The following DNAH12 variants were observed in gnomAD, a reference collection of about 807,000 sequenced individuals.
DNAH12 encodes axonemal beta dynein heavy chain 12.
Under a neutral mutation model 371.5 loss-of-function variants are expected in DNAH12, and 285 were observed. That is an observed-to-expected ratio of 0.77 (90% CI 0.70 to 0.85). DNAH12 has a LOEUF of 0.85. DNAH12 is among the 40% of genes least tolerant of loss of function. DNAH12 has a pLI of 0.00. For synonymous variants in DNAH12, 1,200 were observed against 1,213.0 expected, an observed-to-expected ratio of 0.99 and a Z score of 0.22; for missense variants, 3,611 against 3,689.4, an observed-to-expected ratio of 0.98 and a Z score of 0.55.
At chr3:57,550,948 G>C in the DNAH12 span, among the ~76,000 whole-genome samples, 167 of 148,634 alleles carry the variant, frequency 1.1e-3, no homozygotes, top group African/African-American at 4.0e-3. Context: ...GCGCAATCTC[G>C]GCTCACTGCA....
At chr3:57,500,192 C>A (rs988451649) in intron 11 of DNAH12, among the ~76,000 whole-genome samples, 3 of 152,092 alleles carry the variant, frequency 2.0e-5, no homozygotes, top group African/African-American at 7.2e-5. Flanking sequence ...AGGCATGGAC[C>A]ACCATGCTTG....
chr3:57,429,667 C>T, intron 33 of DNAH12, 24 bp downstream of exon 33: 4 of 1,510,608 alleles, frequency 2.6e-6, no homozygotes, highest in Non-Finnish European at 3.5e-6. Flanking sequence ...AACAAACCAC[C>T]ATTGTATTAA....
chr3:57,519,684 T>G, intron 4 of DNAH12: 1 of 1,606,338 alleles, frequency 6.2e-7, no homozygotes. Context: ...TGCCGATTCT[T>G]TGGGCCACCC....
intron 29 of DNAH12, among the ~76,000 whole-genome samples, chr3:57,438,486 G>A (rs932601443): frequency 1.3e-5 from 2 of 152,022 alleles, no homozygotes; most frequent in Non-Finnish European, 2.9e-5. Flanking sequence ...AAAAGAAGAA[G>A]TCAAACTGTC....
intron 4 of DNAH12, among the ~76,000 whole-genome samples, chr3:57,521,058 T>C (rs1200341160): frequency 1.2e-5 from 1 of 80,700 alleles, no homozygotes; most frequent in African/African-American, 5.2e-5. Flanking sequence ...AGTGAGACTC[T>C]GTCTCAAAAA....
At chr3:57,337,584 G>GGGAGGT (rs1321790556) in intron 60 of DNAH12, among the ~76,000 whole-genome samples, 1 of 152,166 alleles carries the variant, frequency 6.6e-6, no homozygotes, top group African/African-American at 2.4e-5. Context: ...ACTTGAACCT[G>GGGAGGT]GGAGGTGGAG....
Position 57,301,708 on chromosome 3 carries a change from ACACACACACAC to A in DNAH12, c.11394+16_11394+26del, listed in dbSNP as rs1469344552. ...CACACACACACACACACACACACAC[ACACACACACAC>A]ACACACACATTTTACCTGTAAAAAG... On this transcript the variant is annotated intron_variant, in intron 70 of 73. Transcript: ENST00000495027. 2 of 1,529,554 alleles carry A rather than the reference ACACACACACAC, an allele frequency of 1.3e-6. No homozygotes were observed. Among genetic ancestry groups the A allele is most frequent in the Non-Finnish European group, 1.8e-6 (2 of 1,128,024 alleles). The allele number at this position is 1,529,554 out of a possible 1,614,324, so 94.7% of individuals were successfully genotyped here.
chr3:57,300,385 G>A (rs999489821), intron 70 of DNAH12, among the ~76,000 whole-genome samples: 5 of 151,978 alleles, frequency 3.3e-5, no homozygotes, highest in Non-Finnish European at 5.9e-5. Context: ...CTTCTATAAG[G>A]GTAAGAGAAC....
chr3:57,301,858 C>G lies in DNAH12; in HGVS notation c.11271G>C (p.Glu3757Asp). 1 of 1,551,624 alleles carries G rather than the reference C, an allele frequency of 6.4e-7. No individual in the cohort carries two copies. The highest frequency in any genetic ancestry group is 8.7e-7 in the Non-Finnish European group (1 of 1,146,992). ...KGVVVMDSAL[E>D]ALSGSLLVGK... ...CAACAAGTAAGCTACCGGAGAGTGCCTCCAATGCAGAATCCATCACAACCA... is the reference window on the plus strand; with the variant it reads ...CAACAAGTAAGCTACCGGAGAGTGCGTCCAATGCAGAATCCATCACAACCA... The change falls in exon 70 of 74, where the codon GAG (glutamate) becomes GAC (aspartate). Residue 3757 changes from glutamate to aspartate, a missense_variant. By Grantham distance (45) the Glu-to-Asp change is conservative (BLOSUM62 2). Transcript: ENST00000495027.
chr3:57,487,582 A>G (rs903740158), intron 12 of DNAH12, among the ~76,000 whole-genome samples: 1 of 152,154 alleles, frequency 6.6e-6, no homozygotes, highest in African/African-American at 2.4e-5. Context: ...TGGCCCAAGC[A>G]GATGCTAAAC....
intron 70 of DNAH12, among the ~76,000 whole-genome samples, chr3:57,297,642 C>T (rs1444166154): frequency 6.6e-6 from 1 of 152,108 alleles, no homozygotes; most frequent in Non-Finnish European, 1.5e-5. Context: ...AGGTGTGAGC[C>T]ACCGCGCCCG....
chr3:57,522,231 A>AT (rs1490008140), intron 4 of DNAH12, among the ~76,000 whole-genome samples: 8 of 152,084 alleles, frequency 5.3e-5, no homozygotes, highest in African/African-American at 1.4e-4. Context: ...TTCAAAAAAA[A>AT]AAAATAAATA....
At chr3:57,417,756 T>C (rs2064425217) in intron 37 of DNAH12, among the ~76,000 whole-genome samples, 1 of 152,174 alleles carries the variant, frequency 6.6e-6, no homozygotes, top group Non-Finnish European at 1.5e-5. Flanking sequence ...TCAGATCCAC[T>C]GACAGATCTT....
chr3:57,515,427 C>T lies in DNAH12; in HGVS notation c.280-4448G>A, dbSNP rs779978528. On this transcript the variant is annotated intron_variant, in intron 4 of 73. Transcript: ENST00000495027. ...GTCAACTTTAAGGGCTCCCACTGGC[C>T]AAATGTGGAACAACTGAACTTCAAA... Among the ~76,000 whole-genome samples, 3 of 144,516 alleles carry T rather than the reference C, an allele frequency of 2.1e-5. No individual in the cohort carries two copies. In the East Asian group the frequency reaches 6.0e-4, roughly 29 times the overall value. The allele number at this position is 144,516 out of a possible 152,430, so 94.8% of individuals were successfully genotyped here.
intron 59 of DNAH12, among the ~76,000 whole-genome samples, chr3:57,353,297 AT>A (rs1217023468): frequency 8.6e-4 from 124 of 144,890 alleles, no homozygotes; most frequent in Admixed American, 8.3e-4. Context: ...TTGGCACTTT[AT>A]TTTTTTTTTT....
rs1201361123 is a variant in DNAH12 at position 57,361,444 on chromosome 3, CTATATA to C, written c.9360+2144_9360+2149del. ...CACTATATATATATACACACACACA[CTATATA>C]TATATATATATATATATATATCTCA... On this transcript the variant is annotated intron_variant, in intron 58 of 73. Transcript: ENST00000495027. 5.5e-3 allele frequency among the ~76,000 whole-genome samples: 638 copies of C among 116,700 alleles called. 31 individuals are homozygous for C. The highest frequency in any genetic ancestry group is 0.025 in the African/African-American group (605 of 23,746). 76.6% of individuals were successfully genotyped at this position (116,700 alleles called of 152,430 possible).
chr3:57,427,917 G>GT (rs1164314886), intron 34 of DNAH12, among the ~76,000 whole-genome samples: 2 of 151,354 alleles, frequency 1.3e-5, no homozygotes, highest in Non-Finnish European at 1.5e-5. Flanking sequence ...GTTTTTGGGT[G>GT]TTTTTTGGTT....
intron 70 of DNAH12, among the ~76,000 whole-genome samples, chr3:57,301,265 CAAAAAAAAAAAAAAAAAAAAA>C (rs71088054): frequency 1.9e-4 from 8 of 43,040 alleles, no homozygotes; most frequent in African/African-American, 2.0e-4. Flanking sequence ...GACCCTGTCT[CAAAAAAAAAAAAAAAAAAAAA>C]AAAAAAAAAA....
chr3:57,359,004 G>A (rs1020103509), intron 58 of DNAH12, among the ~76,000 whole-genome samples: 4 of 151,922 alleles, frequency 2.6e-5, no homozygotes, highest in Admixed American at 6.6e-5. Context: ...GGCTAGTCTC[G>A]AACGCTTGAC....
Sources: allele counts gnomAD v4.1 joint callset (sites outside exome capture counted in the v4.1 genomes callset), GRCh38; gene constraint gnomAD v4.1.1; transcripts MANE v1.5; gene names NCBI Gene and HGNC (gene_info 2026-07-23, HGNC 2026-07-21).